Variants in BRINP3 observed in about 807,000 individuals in gnomAD.
BRINP3 encodes the protein BMP/retinoic acid-inducible neural-specific protein 3.
A neutral mutation model predicts 71.0 loss-of-function variants in BRINP3; 19 were observed. That is an observed-to-expected ratio of 0.27 (90% CI 0.19 to 0.39). The LOEUF is 0.39. Among genes scored for constraint, BRINP3 ranks in the 10% least tolerant of loss-of-function variants. BRINP3 has a pLI of 1.00. For missense variants in BRINP3, 959 were observed against 940.8 expected (o/e 1.02, Z -0.25); for synonymous variants, 380 against 337.7 (o/e 1.13, Z -1.37).
At chr1:190,210,817 C>A (rs1655919628) in intron 6 of BRINP3, among the ~76,000 whole-genome samples, 1 of 151,998 alleles carries the variant, frequency 6.6e-6, no homozygotes, top group African/African-American at 2.4e-5. Context: ...GGCAGACCCA[C>A]CCTCAATCTG....
At chr1:190,166,827 G>A (rs571531132) in intron 6 of BRINP3, among the ~76,000 whole-genome samples, 46 of 152,080 alleles carry the variant, frequency 3.0e-4, no homozygotes, top group African/African-American at 9.9e-4. Flanking sequence ...GGGTTCAAGC[G>A]ACTCTCGTCC....
At position 190,420,608 on chromosome 1, in the gene BRINP3, T is replaced by A. The variant is rs190121555; in HGVS notation, c.236+34047A>T. Among the ~76,000 whole-genome samples the A allele has an allele frequency of 2.6e-5, 4 of 152,070 alleles. No individual in the cohort carries two copies. In the East Asian group the frequency reaches 7.7e-4, roughly 29 times the overall value. Reference sequence around the variant, plus strand: ...TTGTCCATATAACTTTAGTAAAGTGTTAAGTTTTGAAAACTTTCCGTTTGG... The same window carrying A: ...TTGTCCATATAACTTTAGTAAAGTGATAAGTTTTGAAAACTTTCCGTTTGG... On this transcript the variant is annotated intron_variant, in intron 2 of 7. Coordinates refer to ENST00000367462, the MANE Select transcript of BRINP3 (RefSeq NM_199051.3).
At chr1:190,187,189 C>T (rs1214975471) in intron 6 of BRINP3, among the ~76,000 whole-genome samples, 3 of 151,960 alleles carry the variant, frequency 2.0e-5, no homozygotes, top group Non-Finnish European at 4.4e-5. Flanking sequence ...GAGAAATGTT[C>T]ATTTAGGTCC....
chr1:190,414,203 T>C (rs1214459297), intron 2 of BRINP3, among the ~76,000 whole-genome samples: 1 of 152,186 alleles, frequency 6.6e-6, no homozygotes, highest in Non-Finnish European at 1.5e-5. Context: ...TTCCTATGTC[T>C]AATCATCTAG....
At chr1:190,468,781 T>C (rs749474691) in intron 1 of BRINP3, among the ~76,000 whole-genome samples, 39 of 151,060 alleles carry the variant, frequency 2.6e-4, no homozygotes, top group Non-Finnish European at 4.8e-4. Context: ...CACTCAAAAG[T>C]GAGTTAGTTG....
intron 2 of BRINP3, among the ~76,000 whole-genome samples, chr1:190,331,728 A>G (rs1187189046): frequency 1.3e-5 from 2 of 152,068 alleles, no homozygotes; most frequent in African/African-American, 2.4e-5. Flanking sequence ...TGGAAACAGT[A>G]GATCACCTAC....
chr1:190,447,349 TTATA>T (rs199554405), intron 2 of BRINP3, among the ~76,000 whole-genome samples: 2 of 144,428 alleles, frequency 1.4e-5, no homozygotes, highest in Non-Finnish European at 3.0e-5. Context: ...TTTGAACATC[TTATA>T]TATATATATA....
chr1:190,312,845 T>G (rs1665628385), intron 2 of BRINP3, among the ~76,000 whole-genome samples: 2 of 151,890 alleles, frequency 1.3e-5, no homozygotes, highest in African/African-American at 4.8e-5. Context: ...CTCAAACATT[T>G]AATTGGAAAT....
At chr1:190,375,684 C>T (rs942131702) in intron 2 of BRINP3, among the ~76,000 whole-genome samples, 2 of 151,898 alleles carry the variant, frequency 1.3e-5, no homozygotes, top group African/African-American at 4.8e-5. Context: ...ACAATCTTGG[C>T]TGCTAACCTA....
At chr1:190,433,953 C>A (rs996121652) in intron 2 of BRINP3, among the ~76,000 whole-genome samples, 1 of 152,032 alleles carries the variant, frequency 6.6e-6, no homozygotes, top group Non-Finnish European at 1.5e-5. Context: ...ATTATCCCCA[C>A]CCCGGTTTTC....
intron 7 of BRINP3, among the ~76,000 whole-genome samples, chr1:190,106,198 C>A (rs1652147077): frequency 6.6e-6 from 1 of 151,680 alleles, no homozygotes; most frequent in African/African-American, 2.4e-5. Flanking sequence ...TTCATTACAC[C>A]AGGTCACTGT....
chr1:190,407,154 T>C lies in BRINP3; in HGVS notation c.236+47501A>G, dbSNP rs1466293828. Among the ~76,000 whole-genome samples, 2 of 152,184 alleles carry C rather than the reference T, an allele frequency of 1.3e-5. 1 individual carries two copies. The highest frequency in any genetic ancestry group is 1.3e-4 in the Admixed American group (2 of 15,278). The stretch of plus-strand genomic sequence containing the variant: ...CTTACAGATCTGACTCTTGACATGG[T>C]ATGAAAACACAGGCTTAGTAGAAAT... On this transcript the variant is annotated intron_variant, in intron 2 of 7. Transcript: ENST00000367462.
intron 2 of BRINP3, among the ~76,000 whole-genome samples, chr1:190,283,550 A>G (rs1663196400): frequency 1.3e-5 from 2 of 151,456 alleles, no homozygotes; most frequent in Admixed American, 1.3e-4. Flanking sequence ...CTAAGTTGAT[A>G]TCAATAAATT....
intron 7 of BRINP3, among the ~76,000 whole-genome samples, chr1:190,118,861 C>A (rs1024560934): frequency 1.3e-5 from 2 of 152,078 alleles, no homozygotes; most frequent in African/African-American, 4.8e-5. Context: ...CTAAATTATT[C>A]ATTCGTTTAG....
At chr1:190,324,987 G>T (rs986177262) in intron 2 of BRINP3, among the ~76,000 whole-genome samples, 4 of 151,746 alleles carry the variant, frequency 2.6e-5, no homozygotes, top group Non-Finnish European at 2.9e-5. Context: ...TAAACCAAAA[G>T]ATTATAACCT....
intron 2 of BRINP3, among the ~76,000 whole-genome samples, chr1:190,322,841 T>C (rs1666334937): frequency 6.6e-6 from 1 of 152,100 alleles, no homozygotes; most frequent in Admixed American, 6.6e-5. Flanking sequence ...ATCATCATCA[T>C]TATCAATGTT....
intron 2 of BRINP3, among the ~76,000 whole-genome samples, chr1:190,428,507 G>A (rs1177134082): frequency 6.6e-6 from 1 of 151,834 alleles, no homozygotes; most frequent in African/African-American, 2.4e-5. Flanking sequence ...TGACACTACA[G>A]AGGTCGTCTG....
At chr1:190,296,548 T>C (rs570464340) in intron 2 of BRINP3, among the ~76,000 whole-genome samples, 2 of 152,220 alleles carry the variant, frequency 1.3e-5, no homozygotes, top group African/African-American at 4.8e-5. Context: ...CTATTCAGCA[T>C]AGTACTGGAA....
At position 190,111,614 on chromosome 1, in the gene BRINP3, GTCTTGGAT is replaced by G. The variant is rs1307929092; in HGVS notation, c.1185-12488_1185-12481del. Among the ~76,000 whole-genome samples the G allele has an allele frequency of 2.0e-5, 3 of 152,124 alleles. No individual in the cohort carries two copies. The East Asian group carries it at 5.8e-4, about 29-fold the overall frequency. On this transcript the variant is annotated intron_variant, in intron 7 of 7. Coordinates refer to ENST00000367462, the MANE Select transcript of BRINP3 (RefSeq NM_199051.3). ...ACAAACAGAAGTCTAATGTGGGAGA[GTCTTGGAT>G]TGCTTCTTACTCCTTTAGTCAACAG...
Sources: gnomAD v4.1 joint callset for allele counts (sites outside exome capture counted in the v4.1 genomes callset) on GRCh38, gnomAD v4.1.1 for gene constraint, MANE v1.5 for transcripts, NCBI Gene and HGNC (gene_info 2026-07-23, HGNC 2026-07-21) for gene names.